Variants in AGTPBP1 observed in about 807,000 individuals in gnomAD.
The protein encoded by AGTPBP1 is ATP/GTP binding carboxypeptidase 1, also known as cytosolic carboxypeptidase 1.
In AGTPBP1, 70 loss-of-function variants were observed where a neutral mutation model predicts 143.9. The observed-to-expected ratio is 0.49, with a 90% CI of 0.40 to 0.59. The LOEUF (loss-of-function observed/expected upper bound fraction) is 0.59, where lower values mean the gene tolerates loss of function less well. Ranked by LOEUF, AGTPBP1 falls within the 20% of genes least tolerant of loss-of-function variation. The pLI is 0.00. For synonymous variants in AGTPBP1, 463 were observed against 500.2 expected (o/e 0.93, Z 0.99); for missense variants, 1,229 against 1,464.5 (o/e 0.84, Z 2.62).
At chr9:85,645,343 G>A (rs182623854) in intron 12 of AGTPBP1, among the ~76,000 whole-genome samples, 14 of 152,262 alleles carry the variant, frequency 9.2e-5, no homozygotes, top group African/African-American at 2.6e-4. Context: ...AGATGTCAAT[G>A]TTATAAGACA....
At chr9:85,599,814 CT>C (rs574938125) in intron 17 of AGTPBP1, among the ~76,000 whole-genome samples, 70 of 152,354 alleles carry the variant, frequency 4.6e-4, no homozygotes, top group African/African-American at 1.7e-3. Context: ...TGGATGTCCA[CT>C]GGCTTCCAGT....
intron 6 of AGTPBP1, among the ~76,000 whole-genome samples, chr9:85,676,450 CG>C (rs1359183837): frequency 6.6e-6 from 1 of 151,598 alleles, no homozygotes; most frequent in Non-Finnish European, 1.5e-5. Flanking sequence ...TAGATAAAAA[CG>C]CTCAACATTA....
chr9:85,743,985 G>A (rs1180191645), upstream of AGTPBP1, among the ~76,000 whole-genome samples: 2 of 149,078 alleles, frequency 1.3e-5, no homozygotes, highest in African/African-American at 4.9e-5. Flanking sequence ...TAATACAGTA[G>A]TGCAATCATG....
chr9:85,785,343 C>A, the AGTPBP1 span, among the ~76,000 whole-genome samples: 48,876 of 151,226 alleles, frequency 0.32, 8,704 homozygotes, highest in South Asian at 0.45. Context: ...CAAAAAAAAA[C>A]AAACAAAAAA....
At chr9:85,781,625 C>T in the AGTPBP1 span, among the ~76,000 whole-genome samples, 2 of 152,132 alleles carry the variant, frequency 1.3e-5, no homozygotes, top group Admixed American at 6.5e-5. Context: ...CTCATTTAAT[C>T]CCTAAATTAA....
the AGTPBP1 span, among the ~76,000 whole-genome samples, chr9:85,759,147 C>T: frequency 2.0e-5 from 3 of 152,166 alleles, no homozygotes; most frequent in Admixed American, 2.0e-4. Context: ...TACAAAGAGA[C>T]TTAGACTCCC....
rs1274700560 is a variant in AGTPBP1 at position 85,596,456 on chromosome 9, AAG to A, written c.2336-9_2336-8del. The A allele has an allele frequency of 6.5e-7, 1 of 1,538,876 alleles. No individual in the cohort carries two copies. Among genetic ancestry groups the A allele is most frequent in the Admixed American group, 2.0e-5 (1 of 49,374 alleles). On this transcript the variant is annotated splice_polypyrimidine_tract_variant and splice_region_variant and intron_variant, in intron 17 of 25. Coordinates refer to ENST00000357081, the MANE Select transcript of AGTPBP1 (RefSeq NM_001330701.2). The stretch of plus-strand genomic sequence containing the variant: ...TACATGAGTGGTTGCATACCTTTGA[AAG>A]AGAGAAAAAAAGAGAGAAAATTATT...
the AGTPBP1 span, among the ~76,000 whole-genome samples, chr9:85,794,294 A>G: frequency 6.6e-6 from 1 of 152,164 alleles, no homozygotes; most frequent in East Asian, 1.9e-4. Context: ...TACAGTTTTA[A>G]GTCTTACATT....
intron 1 of AGTPBP1, among the ~76,000 whole-genome samples, chr9:85,720,827 T>C (rs111244358): frequency 1.1e-4 from 17 of 152,314 alleles, no homozygotes; most frequent in African/African-American, 4.1e-4. Context: ...CTCTACACAC[T>C]GCTTTAAATG....
rs567083403 is a variant in AGTPBP1, at chr9:85,731,513, A to G, written c.-34+10262T>C. ...CTTGCTCTGTCACCCAGGCTACAGT[A>G]CAGTGGCACAAACAAGGCTCACGGC... On this transcript the variant is annotated intron_variant, in intron 1 of 25. Coordinates refer to ENST00000357081, the MANE Select transcript of AGTPBP1 (RefSeq NM_001330701.2). Among the ~76,000 whole-genome samples the G allele has an allele frequency of 3.3e-5, 5 of 152,140 alleles. No homozygotes were observed. In the South Asian group the frequency reaches 8.3e-4, roughly 25 times the overall value.
the AGTPBP1 span, among the ~76,000 whole-genome samples, chr9:85,763,552 G>T: frequency 6.6e-6 from 1 of 151,332 alleles, no homozygotes; most frequent in Admixed American, 6.6e-5. Flanking sequence ...GTTCACCTAT[G>T]AATAACAAAG....
At chr9:85,618,483 T>C (rs777581647) in intron 17 of AGTPBP1, among the ~76,000 whole-genome samples, 7 of 151,392 alleles carry the variant, frequency 4.6e-5, no homozygotes, top group Non-Finnish European at 1.0e-4. Context: ...TATCCCTCTT[T>C]AGTAGAAATG....
chr9:85,706,509 CAAAAAAA>C (rs781239393), intron 2 of AGTPBP1, among the ~76,000 whole-genome samples: 1 of 62,270 alleles, frequency 1.6e-5, no homozygotes, highest in African/African-American at 5.5e-5. Context: ...GACTCTGTCT[CAAAAAAA>C]AAAAAAAAAA....
At chr9:85,573,428 T>A (rs1433831746) in intron 25 of AGTPBP1, among the ~76,000 whole-genome samples, 1 of 152,066 alleles carries the variant, frequency 6.6e-6, no homozygotes, top group Non-Finnish European at 1.5e-5. Context: ...CAGGCTGGAG[T>A]GCAGTGGCGT....
the AGTPBP1 span, among the ~76,000 whole-genome samples, chr9:85,772,353 A>G: frequency 6.6e-6 from 1 of 151,940 alleles, no homozygotes; most frequent in Admixed American, 6.6e-5. Context: ...ATTAATGATT[A>G]TTTTTCTGGA....
chr9:85,770,545 C>T, the AGTPBP1 span: 1 of 881,578 alleles, frequency 1.1e-6, no homozygotes, highest in Non-Finnish European at 1.8e-6. Flanking sequence ...AAGATGCATA[C>T]ATCCTATATT....
intron 8 of AGTPBP1, among the ~76,000 whole-genome samples, chr9:85,664,777 T>C (rs1414382835): frequency 6.6e-6 from 1 of 152,180 alleles, no homozygotes; most frequent in Non-Finnish European, 1.5e-5. Flanking sequence ...TGATTAATCA[T>C]GTTAAGAAGG....
At chr9:85,696,936 T>C (rs1836285445) in intron 2 of AGTPBP1, among the ~76,000 whole-genome samples, 2 of 152,240 alleles carry the variant, frequency 1.3e-5, no homozygotes. Flanking sequence ...TCTCAAATAA[T>C]ATGGTTTTAT....
chr9:85,553,611 C>T (rs1012442192), intron 25 of AGTPBP1, among the ~76,000 whole-genome samples: 10 of 152,214 alleles, frequency 6.6e-5, no homozygotes, highest in African/African-American at 2.4e-4. Context: ...TTAGCTGTAT[C>T]ACTAAGCTGG....
Sources: gnomAD v4.1 joint callset for allele counts (sites outside exome capture counted in the v4.1 genomes callset) on GRCh38, gnomAD v4.1.1 for gene constraint, MANE v1.5 for transcripts, NCBI Gene and HGNC (gene_info 2026-07-23, HGNC 2026-07-21) for gene names.